The following PRKCH variants were observed in gnomAD, a reference collection of about 807,000 sequenced individuals.
PRKCH encodes protein kinase C eta type.
In PRKCH, 28 loss-of-function variants were observed where a neutral mutation model predicts 82.5. That is an observed-to-expected ratio of 0.34 (90% CI 0.25 to 0.47). The LOEUF (loss-of-function observed/expected upper bound fraction) is 0.47. Among genes scored for constraint, PRKCH ranks in the 20% least tolerant of loss-of-function variants. PRKCH has a pLI of 1.00. For synonymous variants in PRKCH, 322 were observed against 327.4 expected (o/e 0.98, Z 0.18); for missense variants, 705 against 881.8 (o/e 0.80, Z 2.54).
intron 10 of PRKCH, among the ~76,000 whole-genome samples, chr14:61,522,034 A>C (rs1399377394): frequency 5.3e-5 from 8 of 152,150 alleles, no homozygotes; most frequent in Non-Finnish European, 1.0e-4. Flanking sequence ...AGCCATGTGT[A>C]TTCAGCTGCT....
chr14:61,423,296 C>A (rs1057474835), intron 2 of PRKCH, among the ~76,000 whole-genome samples: 1 of 152,196 alleles, frequency 6.6e-6, no homozygotes, highest in Admixed American at 6.5e-5. Flanking sequence ...GTATTGGACA[C>A]TCATTACGAC....
intron 1 of PRKCH, among the ~76,000 whole-genome samples, chr14:61,314,208 GT>G (rs1009697026): frequency 1.5e-4 from 23 of 151,786 alleles, no homozygotes; most frequent in African/African-American, 2.7e-4. Context: ...TGTGTATGAA[GT>G]TTTTTTTATT....
intron 1 of PRKCH, among the ~76,000 whole-genome samples, chr14:61,225,529 G>A (rs1375345733): frequency 6.6e-6 from 1 of 152,190 alleles, no homozygotes; most frequent in East Asian, 1.9e-4. Flanking sequence ...TCTGTGAAGG[G>A]CTCACAGGCC....
intron 2 of PRKCH, among the ~76,000 whole-genome samples, chr14:61,430,402 T>C (rs2140258446): frequency 6.6e-6 from 1 of 152,330 alleles, no homozygotes; most frequent in South Asian, 2.1e-4. Flanking sequence ...TCTGGCAGTT[T>C]CTTACAGAAC....
chr14:61,530,576 C>T lies in PRKCH; in HGVS notation c.1742C>T (p.Ala581Val). The T allele has an allele frequency of 6.3e-7, 1 of 1,597,630 alleles. No individual in the cohort carries two copies. The highest frequency in any genetic ancestry group is 2.3e-5 in the East Asian group (1 of 44,400). Residue 581 changes from alanine (A) to valine (V), a missense_variant, in exon 12 of 14, where the codon GCC (alanine) becomes GTC (valine). Physicochemically the swap from Ala to Val is moderately conservative, Grantham distance 64. Around this residue, in one of 5 missense-constraint regions of PRKCH, gnomAD observed 115 missense variants for 193.8 expected, o/e 0.59. Coordinates refer to ENST00000332981, the MANE Select transcript of PRKCH (RefSeq NM_006255.5). ...TACCCTACCTGGCTCCATGAAGATG[C>T]CACAGGGATCCTAAAATCTGTAAGT... Reference protein sequence around the residue: ...VVYPTWLHEDATGILKSFMTK... With the variant: ...VVYPTWLHEDVTGILKSFMTK...
intron 1 of PRKCH, among the ~76,000 whole-genome samples, chr14:61,246,025 G>A (rs926899589): frequency 6.6e-6 from 1 of 152,086 alleles, no homozygotes; most frequent in Non-Finnish European, 1.5e-5. Flanking sequence ...CCCTCTTTAG[G>A]AGGGTCCTTC....
intron 1 of PRKCH, among the ~76,000 whole-genome samples, chr14:61,315,727 T>G (rs1594906127): frequency 6.6e-6 from 1 of 151,244 alleles, no homozygotes; most frequent in East Asian, 2.0e-4. Flanking sequence ...TATTTCTTAC[T>G]CTAGTTTTCA....
At chr14:61,252,342 G>A (rs192826956) in intron 1 of PRKCH, among the ~76,000 whole-genome samples, 2 of 152,302 alleles carry the variant, frequency 1.3e-5, no homozygotes, top group Non-Finnish European at 2.9e-5. Flanking sequence ...ACTTTCTCCA[G>A]CACACCTTTC....
chr14:61,493,019 A>G (rs1886520925), intron 10 of PRKCH, among the ~76,000 whole-genome samples: 1 of 152,234 alleles, frequency 6.6e-6, no homozygotes, highest in African/African-American at 2.4e-5. Context: ...GAACTTTGGT[A>G]GCACTGGAGC....
chr14:61,339,741 G>A (rs1319307134), intron 1 of PRKCH, among the ~76,000 whole-genome samples: 3 of 145,814 alleles, frequency 2.1e-5, no homozygotes, highest in Non-Finnish European at 4.5e-5. Context: ...GAGTGCAGTG[G>A]CGCAATCTCA....
chr14:61,331,145 A>G (rs746223782), intron 1 of PRKCH, among the ~76,000 whole-genome samples: 12 of 151,580 alleles, frequency 7.9e-5, no homozygotes, highest in Non-Finnish European at 1.5e-4. Flanking sequence ...CTATATCTAC[A>G]AAAATACAGA....
intron 12 of PRKCH, among the ~76,000 whole-genome samples, chr14:61,535,605 G>A (rs2043097913): frequency 6.6e-6 from 1 of 152,208 alleles, no homozygotes; most frequent in South Asian, 2.1e-4. Context: ...TGAGGGAACA[G>A]TGAGAGCCCA....
intron 1 of PRKCH, among the ~76,000 whole-genome samples, chr14:61,252,465 A>G (rs558167170): frequency 1.1e-4 from 17 of 152,310 alleles, no homozygotes; most frequent in East Asian, 3.9e-4. Context: ...TTAGTGGACA[A>G]TCACTTGAGA....
chr14:61,333,656 C>T (rs1206811378), intron 1 of PRKCH, among the ~76,000 whole-genome samples: 1 of 151,164 alleles, frequency 6.6e-6, no homozygotes, highest in Non-Finnish European at 1.5e-5. Context: ...TTTTCAAAAG[C>T]CTCTATTTTT....
At chr14:61,545,080 C>G (rs2043237061) in intron 12 of PRKCH, 1 of 150,266 alleles carries the variant, frequency 6.7e-6, no homozygotes, top group Non-Finnish European at 1.5e-5. Flanking sequence ...TGCCGTGCAG[C>G]TCTCATCACT....
intron 1 of PRKCH, among the ~76,000 whole-genome samples, chr14:61,291,776 C>T (rs565290975): frequency 1.3e-5 from 2 of 152,146 alleles, no homozygotes; most frequent in East Asian, 1.9e-4. Context: ...CCTTGAAACG[C>T]GGTGGTATTA....
At chr14:61,220,758 T>C (rs1262499384) in intron 1 of PRKCH, among the ~76,000 whole-genome samples, 6 of 151,486 alleles carry the variant, frequency 4.0e-5, no homozygotes, top group Non-Finnish European at 7.4e-5. Context: ...AAAAGCAGAG[T>C]TAGCTAAAAA....
At chr14:61,188,492 A>T (rs866226020) in intron 1 of PRKCH, among the ~76,000 whole-genome samples, 1 of 150,062 alleles carries the variant, frequency 6.7e-6, no homozygotes, top group African/African-American at 2.4e-5. Flanking sequence ...TGGCTCCGCA[A>T]CCCAACCTCT....
chr14:61,275,065 CT>C (rs1021176492), intron 1 of PRKCH, among the ~76,000 whole-genome samples: 3 of 152,156 alleles, frequency 2.0e-5, no homozygotes, highest in African/African-American at 7.2e-5. Context: ...GAAATGTTTC[CT>C]TTCCCATTTT....
Sources: gnomAD v4.1 joint callset for allele counts (sites outside exome capture counted in the v4.1 genomes callset) on GRCh38, gnomAD v4.1.1 for gene constraint, gnomAD v4.1.1 regional missense constraint, MANE v1.5 for transcripts, NCBI Gene and HGNC (gene_info 2026-07-23, HGNC 2026-07-21) for gene names.